ATP2C2: variants seen among roughly 807,000 people sequenced by gnomAD.
ATP2C2 encodes ATPase secretory pathway Ca2+ transporting 2.
In ATP2C2, 171 loss-of-function variants were observed where a neutral mutation model predicts 110.8. The observed-to-expected ratio is 1.54, with a 90% CI of 1.36 to 1.75. The LOEUF is 1.75. Ranked by LOEUF, ATP2C2 falls within the 40% of genes most tolerant of loss-of-function variation. The pLI is 0.00. For synonymous variants in ATP2C2, 804 were observed against 508.4 expected, an observed-to-expected ratio of 1.58 and a Z score of -7.82; for missense variants, 1,963 against 1,235.0, an observed-to-expected ratio of 1.59 and a Z score of -8.84.
rs1038484393 is a variant in ATP2C2 at position 84,406,518 on chromosome 16, C to T, written c.327+1274C>T. On this transcript the variant is annotated intron_variant, in intron 3 of 26. Coordinates refer to ENST00000262429, the MANE Select transcript of ATP2C2 (RefSeq NM_014861.4). ...CTTCCTCCATTGGTCGATTCCGGAA[C>T]CAATCACAGTCCCCTGGGCAGCATC... 13 of 894,666 alleles carry T rather than the reference C, an allele frequency of 1.5e-5. No individual in the cohort carries two copies. The African/African-American group carries it at 2.4e-4, about 16-fold the overall frequency. 55.4% of individuals were successfully genotyped at this position (894,666 alleles called of 1,614,324 possible). A position where few individuals can be genotyped will look rare whatever the true frequency, so the allele number is the denominator to read the frequency against.
Position 84,461,982 on chromosome 16 carries a change from C to T in ATP2C2, c.2581-6C>T, listed in dbSNP as rs200622792. On this transcript the variant is annotated splice_polypyrimidine_tract_variant and splice_region_variant and intron_variant, in intron 25 of 26. Coordinates refer to ENST00000262429, the MANE Select transcript of ATP2C2 (RefSeq NM_014861.4). The stretch of plus-strand genomic sequence containing the variant: ...CACAATCCCCCGTGTGACCTTCTCC[C>T]TGCAGACCAAGCTGATATTTGAGAT... The T allele has an allele frequency of 2.2e-5, 35 of 1,613,002 alleles. No homozygotes were observed. Among genetic ancestry groups the T allele is most frequent in the African/African-American group, 9.3e-5 (7 of 75,050 alleles).
At chr16:84,421,913 C>A (rs1907375061) in intron 7 of ATP2C2, among the ~76,000 whole-genome samples, 1 of 152,086 alleles carries the variant, frequency 6.6e-6, no homozygotes, top group South Asian at 2.1e-4. Context: ...TATCTCCCTT[C>A]CCTTTGCCAG....
Position 84,459,268 on chromosome 16 carries a change from A to G in ATP2C2, c.2217-2A>G. The G allele has an allele frequency of 1.9e-6, 3 of 1,614,210 alleles. No individual in the cohort carries two copies. The highest frequency in any genetic ancestry group is 2.5e-6 in the Non-Finnish European group (3 of 1,180,018). On this transcript the variant is annotated splice_acceptor_variant, in intron 22 of 26. Transcript: ENST00000262429. LOFTEE classifies it high-confidence loss of function. ...CGCTGACTGGCTGCGTGTGCCCCGC[A>G]GGAGCATCTCCGCCCTGAGTCTCAT...
chr16:84,424,311 C>G (rs986640411), intron 10 of ATP2C2, among the ~76,000 whole-genome samples: 4 of 150,686 alleles, frequency 2.7e-5, no homozygotes, highest in African/African-American at 1.0e-4. Context: ...TGGAGTCTCA[C>G]TCTGTTGCCC....
chr16:84,379,077 C>A (rs995106226), intron 1 of ATP2C2, among the ~76,000 whole-genome samples: 7 of 151,986 alleles, frequency 4.6e-5, no homozygotes, highest in African/African-American at 1.4e-4. Flanking sequence ...ATCCCATCAC[C>A]CAGGAATTAC....
chr16:84,409,942 G>A (rs776560518), intron 4 of ATP2C2, among the ~76,000 whole-genome samples: 1 of 152,184 alleles, frequency 6.6e-6, no homozygotes, highest in Non-Finnish European at 1.5e-5. Context: ...GGGTGCGGTG[G>A]CTCATGCCTG....
At chr16:84,428,247 A>G (rs1475896729) in intron 11 of ATP2C2, among the ~76,000 whole-genome samples, 2 of 152,212 alleles carry the variant, frequency 1.3e-5, no homozygotes, top group Non-Finnish European at 2.9e-5. Flanking sequence ...TCAGGTGTAC[A>G]TGGCTCTGGT....
At chr16:84,459,087 G>A (rs774071462) in intron 21 of ATP2C2, 33 bp from the exon 22 acceptor site, 33 of 1,610,942 alleles carry the variant, frequency 2.0e-5, no homozygotes, top group Non-Finnish European at 2.4e-5. Flanking sequence ...ACGCAGGCCC[G>A]CTCCGTGAGT....
chr16:84,463,323 G>T (rs3101749), intron 26 of ATP2C2, among the ~76,000 whole-genome samples: 1 of 152,190 alleles, frequency 6.6e-6, no homozygotes, highest in African/African-American at 2.4e-5. Context: ...TGTAGGGAAA[G>T]GAAACTCATT....
chr16:84,379,831 G>A lies in ATP2C2; in HGVS notation c.99+11117G>A, dbSNP rs1469026186. On this transcript the variant is annotated intron_variant, in intron 1 of 26. Transcript: ENST00000262429. ...AGATGTCTATCAAATAATTCCTCCA[G>A]TGAGTATATAATTACACACTGAGAT... 3.3e-5 allele frequency among the ~76,000 whole-genome samples: 5 copies of A among 152,164 alleles called. No individual in the cohort carries two copies. The South Asian group carries it at 1.0e-3, about 32-fold the overall frequency.
At chr16:84,384,628 G>A (rs895937134) in intron 1 of ATP2C2, among the ~76,000 whole-genome samples, 12 of 152,116 alleles carry the variant, frequency 7.9e-5, no homozygotes, top group African/African-American at 2.9e-4. Flanking sequence ...TCTGATTCTC[G>A]TTTTATTTTC....
intron 2 of ATP2C2, among the ~76,000 whole-genome samples, chr16:84,400,941 T>G (rs12935303): frequency 0.44 from 66,618 of 152,034 alleles, 15,142 homozygotes; most frequent in South Asian, 0.62. Context: ...TAGAGTTGTT[T>G]GAGCTCTTTA....
At chr16:84,413,205 A>G (rs1394170334) in intron 6 of ATP2C2, among the ~76,000 whole-genome samples, 3 of 151,818 alleles carry the variant, frequency 2.0e-5, no homozygotes, top group African/African-American at 2.4e-5. Context: ...ACATACGGCA[A>G]CTCCGTATTT....
At chr16:84,432,938 A>G (rs952217155) in intron 11 of ATP2C2, among the ~76,000 whole-genome samples, 3 of 152,200 alleles carry the variant, frequency 2.0e-5, no homozygotes, top group Admixed American at 6.5e-5. Flanking sequence ...CAGCAAGAAC[A>G]GGACCAGGAA....
At chr16:84,445,365 C>T (rs187287382) in intron 15 of ATP2C2, among the ~76,000 whole-genome samples, 4 of 152,168 alleles carry the variant, frequency 2.6e-5, no homozygotes, top group Admixed American at 6.5e-5. Flanking sequence ...CCTGCCACCA[C>T]GCCTGGCTAA....
intron 2 of ATP2C2, among the ~76,000 whole-genome samples, chr16:84,401,507 T>C (rs1465610746): frequency 6.6e-6 from 1 of 152,164 alleles, no homozygotes; most frequent in Admixed American, 6.5e-5. Context: ...TGATTTTTAT[T>C]GATAATGAGA....
In ATP2C2 at chr16:84,409,125, A is replaced by G. The variant is rs562122592; in HGVS notation, c.417+631A>G. On this transcript the variant is annotated intron_variant, in intron 4 of 26. Coordinates refer to ENST00000262429, the MANE Select transcript of ATP2C2 (RefSeq NM_014861.4). ...GGATATGTCACTGAAATGGATTCAG[A>G]CGGATGAGTTCATGTCCTTTGCAGG... Among the ~76,000 whole-genome samples, 177 of 152,314 alleles carry G rather than the reference A, an allele frequency of 1.2e-3. 1 individual carries two copies. Among genetic ancestry groups the G allele is most frequent in the African/African-American group, 4.1e-3 (169 of 41,568 alleles).
In ATP2C2 at chr16:84,405,124, C is replaced by A. The variant is rs774747890; in HGVS notation, c.211-4C>A. ...GTGAGCTTGTGCCTGACCTCTCCTT[C>A]CAGGTGGACTTACACACTGGGCTGT... On this transcript the variant is annotated splice_polypyrimidine_tract_variant and splice_region_variant and intron_variant, in intron 2 of 26. Coordinates refer to ENST00000262429, the MANE Select transcript of ATP2C2 (RefSeq NM_014861.4). 25 of 1,613,202 alleles carry A rather than the reference C, an allele frequency of 1.5e-5. No homozygotes were observed. Among genetic ancestry groups the A allele is most frequent in the Non-Finnish European group, 2.1e-5 (25 of 1,179,546 alleles).
chr16:84,461,550 C>T (rs1038936754), intron 24 of ATP2C2, 164 bp from the exon 25 acceptor site: 3 of 701,114 alleles, frequency 4.3e-6, no homozygotes, highest in African/African-American at 1.8e-5. Flanking sequence ...CCTGGGGTAG[C>T]AGCCACTGAC....
Sources: allele counts gnomAD v4.1 joint callset (sites outside exome capture counted in the v4.1 genomes callset), GRCh38; gene constraint gnomAD v4.1.1; transcripts MANE v1.5; gene names NCBI Gene and HGNC (gene_info 2026-07-23, HGNC 2026-07-21).